Variants in LGR6 observed in about 807,000 individuals in gnomAD.
LGR6 encodes leucine-rich repeat-containing G protein-coupled receptor 6.
In LGR6, 45 loss-of-function variants were observed where a neutral mutation model predicts 69.4. That is an observed-to-expected ratio of 0.65 (90% CI 0.51 to 0.83). The LOEUF is 0.83. Among genes scored for constraint, LGR6 ranks in the 40% least tolerant of loss-of-function variants. LGR6 has a pLI of 0.00. For synonymous variants in LGR6, 538 were observed against 555.0 expected (o/e 0.97, Z 0.43); for missense variants, 1,108 against 1,246.7 (o/e 0.89, Z 1.68).
intron 9 of LGR6, among the ~76,000 whole-genome samples, chr1:202,302,015 G>A (rs552627409): frequency 2.6e-5 from 4 of 151,958 alleles, no homozygotes; most frequent in East Asian, 1.9e-4. Context: ...ATGAAACTCC[G>A]TCTCAAAATA....
rs771747500 is a variant in LGR6 at position 202,307,415 on chromosome 1, G to A, written c.1280+14G>A. 4.3e-5 allele frequency: 69 copies of A among 1,613,326 alleles called. No individual in the cohort carries two copies. The highest frequency in any genetic ancestry group is 5.3e-5 in the Non-Finnish European group (63 of 1,179,280). ...CCTGGTCAAGCTGTAAGTGCCTGCT[G>A]CATTCTCCTCCAGGATGCTGGGGGC... On this transcript the variant is annotated intron_variant, in intron 14 of 17. Transcript: ENST00000367278.
At chr1:202,209,733 T>C (rs1049380879) in intron 1 of LGR6, among the ~76,000 whole-genome samples, 1 of 152,234 alleles carries the variant, frequency 6.6e-6, no homozygotes, top group Non-Finnish European at 1.5e-5. Context: ...CCCAGCAGCA[T>C]AGCATCGGCA....
chr1:202,277,562 G>T (rs1006581716), intron 5 of LGR6, among the ~76,000 whole-genome samples: 1 of 152,100 alleles, frequency 6.6e-6, no homozygotes, highest in Non-Finnish European at 1.5e-5. Context: ...GCCTCTGTGA[G>T]GGATAAGATT....
intron 1 of LGR6, among the ~76,000 whole-genome samples, chr1:202,213,197 A>G (rs1027083991): frequency 1.3e-5 from 2 of 152,172 alleles, no homozygotes; most frequent in Non-Finnish European, 2.9e-5. Context: ...CAGCCAGGGC[A>G]TCATGCCCAG....
intron 7 of LGR6, among the ~76,000 whole-genome samples, chr1:202,298,299 C>A (rs983243353): frequency 6.6e-6 from 1 of 151,988 alleles, no homozygotes; most frequent in Admixed American, 6.6e-5. Context: ...GGGATTGAGG[C>A]GACAGTGGTG....
chr1:202,208,846 C>G (rs1659356777), intron 1 of LGR6, among the ~76,000 whole-genome samples: 1 of 152,148 alleles, frequency 6.6e-6, no homozygotes, highest in African/African-American at 2.4e-5. Flanking sequence ...CAGGAAATAC[C>G]TGGGCTAACC....
At chr1:202,239,332 TTGTGTGTGTGTGGTGTGTGTGTGTGTG>T (rs1183135185) in intron 4 of LGR6, among the ~76,000 whole-genome samples, 4 of 139,634 alleles carry the variant, frequency 2.9e-5, no homozygotes. Flanking sequence ...CTGGCTGAAC[TTGTGTGTGTGTGGTGTGTGTGTGTGTG>T]TGTGTGTGTG....
intron 4 of LGR6, among the ~76,000 whole-genome samples, chr1:202,238,419 T>C (rs959046685): frequency 4.0e-4 from 59 of 146,546 alleles, no homozygotes; most frequent in African/African-American, 1.4e-3. Context: ...ATCCTTTTTT[T>C]TTTTTTTTTT....
intron 4 of LGR6, among the ~76,000 whole-genome samples, chr1:202,240,909 A>C (rs1662142621): frequency 6.6e-6 from 1 of 152,182 alleles, no homozygotes; most frequent in African/African-American, 2.4e-5. Context: ...GCTCCCCTAA[A>C]GCTACATGAG....
intron 4 of LGR6, among the ~76,000 whole-genome samples, chr1:202,239,103 T>C (rs1011814626): frequency 6.6e-6 from 1 of 152,052 alleles, no homozygotes; most frequent in Non-Finnish European, 1.5e-5. Context: ...ATGGCCTCTT[T>C]CTCCATCTTC....
At position 202,319,372 on chromosome 1, in the gene LGR6, C is replaced by CT; in HGVS notation, c.*165_*166insT. The stretch of plus-strand genomic sequence containing the variant: ...GATCACCTCTCTCCTGTGACCATCA[C>CT]CAACGGGTGCCTCTTGGCCTGGCTT... On this transcript the variant is annotated 3_prime_UTR_variant, in exon 18 of 18. Transcript: ENST00000367278. 1.5e-6 allele frequency: 1 copy of CT among 685,782 alleles called. No homozygotes were observed. 42.5% of individuals were successfully genotyped at this position (685,782 alleles called of 1,614,324 possible). A position where few individuals can be genotyped will look rare whatever the true frequency, so the allele number is the denominator to read the frequency against.
intron 6 of LGR6, 133 bp downstream of exon 6, chr1:202,280,985 C>A: frequency 1.5e-6 from 1 of 683,618 alleles, no homozygotes; most frequent in East Asian, 2.8e-5. Context: ...GCTTGTTTAC[C>A]CACATGCCCC....
chr1:202,248,839 G>T (rs1027259064), intron 4 of LGR6, among the ~76,000 whole-genome samples: 2 of 152,112 alleles, frequency 1.3e-5, no homozygotes, highest in Non-Finnish European at 2.9e-5. Context: ...TGCCTTTATT[G>T]CCTGGTGAGT....
chr1:202,291,250 G>A (rs185417247), intron 6 of LGR6, among the ~76,000 whole-genome samples: 2 of 152,168 alleles, frequency 1.3e-5, no homozygotes, highest in East Asian at 3.8e-4. Flanking sequence ...CTAGCTCCCG[G>A]GAGCAGGAGA....
At chr1:202,236,066 C>T in intron 4 of LGR6, 73 bp downstream of exon 4, 2 of 1,287,762 alleles carry the variant, frequency 1.6e-6, no homozygotes, top group East Asian at 2.3e-5. Context: ...GGCCCCCTGC[C>T]TCAGCTTTCC....
At chr1:202,260,391 T>A (rs562416529) in intron 4 of LGR6, among the ~76,000 whole-genome samples, 1 of 152,144 alleles carries the variant, frequency 6.6e-6, no homozygotes, top group South Asian at 2.1e-4. Flanking sequence ...TGTAGTGCAG[T>A]GGCACAATCT....
intron 1 of LGR6, among the ~76,000 whole-genome samples, chr1:202,205,240 T>C (rs1571808728): frequency 3.6e-5 from 1 of 28,040 alleles, no homozygotes; most frequent in Non-Finnish European, 6.5e-5. Context: ...CACACACACC[T>C]CCTTCAAACA....
chr1:202,281,458 G>GA (rs1558059917), intron 6 of LGR6, among the ~76,000 whole-genome samples: 1 of 152,168 alleles, frequency 6.6e-6, no homozygotes, highest in Non-Finnish European at 1.5e-5. Context: ...GTTAAGGTCA[G>GA]AATACACCCA....
rs115474450 is a variant in LGR6, at chr1:202,293,007, C to A, written c.717-4501C>A. Among the ~76,000 whole-genome samples the A allele has an allele frequency of 6.6e-3, 1,003 of 152,286 alleles. 18 individuals are homozygous for A. The highest frequency in any genetic ancestry group is 0.023 in the African/African-American group (952 of 41,540). On this transcript the variant is annotated intron_variant, in intron 6 of 17. Coordinates refer to ENST00000367278, the MANE Select transcript of LGR6 (RefSeq NM_001017403.2). ...TGACTAATTTAATCTCTCTGTGCCT[C>A]GCTTTCCTCAACTGTCAAATGGGTA... is the stretch of plus-strand genomic sequence containing the variant.
Sources: allele counts gnomAD v4.1 joint callset (sites outside exome capture counted in the v4.1 genomes callset), GRCh38; gene constraint gnomAD v4.1.1; transcripts MANE v1.5; gene names NCBI Gene and HGNC (gene_info 2026-07-23, HGNC 2026-07-21).